The following CYTH3 variants were observed in gnomAD, a reference collection of about 807,000 sequenced individuals.
CYTH3 encodes cytohesin-3.
CYTH3 carries 23 observed loss-of-function variants against 55.1 expected under a neutral mutation model. The ratio of observed to expected loss-of-function variants is 0.42; its 90% CI spans 0.30 to 0.59. The LOEUF is 0.59. Ranked by LOEUF, CYTH3 falls within the 20% of genes least tolerant of loss-of-function variation. CYTH3 has a pLI of 0.20. For synonymous variants in CYTH3, 249 were observed against 194.9 expected (o/e 1.28, Z -2.31); for missense variants, 413 against 524.8 (o/e 0.79, Z 2.08).
At chr7:6,267,798 A>G (rs1200687680) in intron 1 of CYTH3, among the ~76,000 whole-genome samples, 1 of 152,220 alleles carries the variant, frequency 6.6e-6, no homozygotes, top group African/African-American at 2.4e-5. Flanking sequence ...CTGGGATTAC[A>G]GGCGTGAGCC....
At chr7:6,236,791 G>C (rs555059027) in intron 1 of CYTH3, among the ~76,000 whole-genome samples, 1 of 152,094 alleles carries the variant, frequency 6.6e-6, no homozygotes, top group East Asian at 1.9e-4. Flanking sequence ...TTGAACTCCT[G>C]ACCTCAAGTG....
At chr7:6,192,753 G>C (rs1783831073) in intron 1 of CYTH3, among the ~76,000 whole-genome samples, 1 of 150,166 alleles carries the variant, frequency 6.7e-6, no homozygotes, top group African/African-American at 2.4e-5. Context: ...GGCTGGTCTT[G>C]AACTCCTGAC....
At position 6,162,031 on chromosome 7, in the gene CYTH3, C is replaced by T. The variant is rs1255549008; in HGVS notation, c.*2913G>A. 1 of 152,654 alleles carries T rather than the reference C, an allele frequency of 6.6e-6. No individual in the cohort carries two copies. Among genetic ancestry groups the T allele is most frequent in the African/African-American group, 2.4e-5 (1 of 41,456 alleles). The allele number at this position is 152,654 out of a possible 1,614,324, so 9.5% of individuals were successfully genotyped here. ...AAGAAAAAAAGTCAATTTGTGGTTT[C>T]TGGTCTACCACAGACCTAACTTCTC... On this transcript the variant is annotated 3_prime_UTR_variant, in exon 13 of 13. Coordinates refer to ENST00000350796, the MANE Select transcript of CYTH3 (RefSeq NM_004227.4).
At chr7:6,196,805 GCTGA>G (rs1389938614) in intron 1 of CYTH3, among the ~76,000 whole-genome samples, 1 of 152,152 alleles carries the variant, frequency 6.6e-6, no homozygotes, top group Non-Finnish European at 1.5e-5. Context: ...ATAGTAACCA[GCTGA>G]CTGACACTAT....
chr7:6,215,249 T>A (rs1784400551), intron 1 of CYTH3, among the ~76,000 whole-genome samples: 1 of 152,196 alleles, frequency 6.6e-6, no homozygotes, highest in Non-Finnish European at 1.5e-5. Context: ...GCTCCACGGT[T>A]CAGGGGCACT....
Position 6,203,776 on chromosome 7 carries a change from TG to T in CYTH3, c.35-13246del, listed in dbSNP as rs372152565. 7.7e-4 allele frequency among the ~76,000 whole-genome samples: 117 copies of T among 152,034 alleles called. 1 individual carries two copies. The highest frequency in any genetic ancestry group is 2.7e-3 in the African/African-American group (112 of 41,456). On this transcript the variant is annotated intron_variant, in intron 1 of 12. Transcript: ENST00000350796. Reference sequence around the variant, plus strand: ...CTCTGTCGCCCAGGCTGGAATGCAATGGCCCAATCTCGGCTCACTGCAAGCT... The same window carrying T: ...CTCTGTCGCCCAGGCTGGAATGCAATGCCCAATCTCGGCTCACTGCAAGCT...
chr7:6,204,049 G>C (rs78569426), intron 1 of CYTH3, among the ~76,000 whole-genome samples: 1 of 116,130 alleles, frequency 8.6e-6, no homozygotes, highest in South Asian at 2.7e-4. Flanking sequence ...GTTCACAATA[G>C]AAAAAAAAAA....
At chr7:6,226,735 G>A (rs1384515994) in intron 1 of CYTH3, among the ~76,000 whole-genome samples, 1 of 152,192 alleles carries the variant, frequency 6.6e-6, no homozygotes, top group African/African-American at 2.4e-5. Context: ...TTCCTATGCA[G>A]CAGAACCTGA....
Position 6,272,608 on chromosome 7 carries a change from C to T in CYTH3, c.-101G>A, listed in dbSNP as rs1243197872. ...GAGCGCGCAGGCGACCGGGCGGCTC[C>T]TCAGCGCGCGGCCCGGGTCGCGGCC... On this transcript the variant is annotated 5_prime_UTR_variant, in exon 1 of 13. Transcript: ENST00000350796. The T allele has an allele frequency of 3.0e-5, 28 of 932,782 alleles. No homozygotes were observed. In the East Asian group the frequency reaches 7.6e-4, roughly 25 times the overall value. 57.8% of individuals were successfully genotyped at this position (932,782 alleles called of 1,614,324 possible).
intron 1 of CYTH3, among the ~76,000 whole-genome samples, chr7:6,269,608 C>G (rs546591959): frequency 2.6e-5 from 4 of 151,482 alleles, no homozygotes; most frequent in Non-Finnish European, 5.9e-5. Flanking sequence ...GAACTGTTCT[C>G]GAAAAACTGA....
intron 1 of CYTH3, among the ~76,000 whole-genome samples, chr7:6,262,245 G>A (rs1210804892): frequency 6.6e-6 from 1 of 152,182 alleles, no homozygotes; most frequent in Admixed American, 6.5e-5. Context: ...TACAGTCCTG[G>A]AAGGAGATGA....
At chr7:6,179,662 ACCC>A (rs1783432040) in intron 4 of CYTH3, among the ~76,000 whole-genome samples, 2 of 72,180 alleles carry the variant, frequency 2.8e-5, no homozygotes, top group African/African-American at 1.2e-4. Flanking sequence ...CCCCACACAC[ACCC>A]CACACACACA....
chr7:6,192,131 A>C (rs902950489), intron 1 of CYTH3, among the ~76,000 whole-genome samples: 1 of 152,180 alleles, frequency 6.6e-6, no homozygotes, highest in African/African-American at 2.4e-5. Flanking sequence ...TTATTCTCCA[A>C]AAGTTCCACA....
chr7:6,186,894 C>T (rs563807281), intron 4 of CYTH3, among the ~76,000 whole-genome samples, 156 bp downstream of exon 4: 3 of 152,226 alleles, frequency 2.0e-5, no homozygotes, highest in South Asian at 2.1e-4. Context: ...ACCCCACTCG[C>T]GAAAAGCCCC....
At chr7:6,263,359 A>G (rs1269362569) in intron 1 of CYTH3, among the ~76,000 whole-genome samples, 1 of 152,238 alleles carries the variant, frequency 6.6e-6, no homozygotes, top group Admixed American at 6.5e-5. Context: ...TCTGTTATCT[A>G]TTAAAACTGA....
At chr7:6,259,818 ATATATATATATATATTTTTT>A (rs1780296982) in intron 1 of CYTH3, among the ~76,000 whole-genome samples, 1 of 25,880 alleles carries the variant, frequency 3.9e-5, no homozygotes, top group African/African-American at 4.2e-4. Flanking sequence ...TATATAATAT[ATATATATATATATATTTTTT>A]TTTTTTTTTA....
At chr7:6,192,752 T>G (rs957524824) in intron 1 of CYTH3, among the ~76,000 whole-genome samples, 8 of 149,576 alleles carry the variant, frequency 5.3e-5, no homozygotes, top group African/African-American at 1.7e-4. Flanking sequence ...AGGCTGGTCT[T>G]GAACTCCTGA....
intron 9 of CYTH3, among the ~76,000 whole-genome samples, chr7:6,166,439 CAATG>C (rs112229426): frequency 0.019 from 2,859 of 152,326 alleles, 92 homozygotes; most frequent in African/African-American, 0.066. Context: ...ACGCTGGTGA[CAATG>C]AACTCAAGTG....
Position 6,171,514 on chromosome 7 carries a change from C to T in CYTH3, c.450-200G>A, listed in dbSNP as rs1369049345. On this transcript the variant is annotated intron_variant, in intron 6 of 12. Transcript: ENST00000350796. This position sits in a 1 kb window ranked among gnomAD's most constrained non-coding sequence, Gnocchi z 6.7. Reference sequence around the variant, plus strand: ...CGTTCCATAACTCGAGACACGCTTACTGATGGCTCATCTTTTTGTAACTAC... The same window carrying T: ...CGTTCCATAACTCGAGACACGCTTATTGATGGCTCATCTTTTTGTAACTAC... Among the ~76,000 whole-genome samples the T allele has an allele frequency of 6.6e-6, 1 of 152,182 alleles. No individual in the cohort carries two copies. The highest frequency in any genetic ancestry group is 1.5e-5 in the Non-Finnish European group (1 of 68,028).
Sources: allele counts gnomAD v4.1 joint callset (sites outside exome capture counted in the v4.1 genomes callset), GRCh38; gene constraint gnomAD v4.1.1; non-coding constraint Gnocchi (gnomAD v3.1); transcripts MANE v1.5; gene names NCBI Gene and HGNC (gene_info 2026-07-23, HGNC 2026-07-21).